CSMD1: variants seen among roughly 807,000 people sequenced by gnomAD.
CSMD1 encodes the protein CUB and Sushi multiple domains 1, also known as CUB and sushi domain-containing protein 1.
A neutral mutation model predicts 417.5 loss-of-function variants in CSMD1; 213 were observed. The observed-to-expected ratio is 0.51, with a 90% CI of 0.46 to 0.57. The LOEUF is 0.57. CSMD1 is among the 20% of genes least tolerant of loss of function. The pLI is 0.00. For synonymous variants in CSMD1, 2,862 were observed against 1,736.8 expected (o/e 1.65, Z -16.11); for missense variants, 6,923 against 4,529.7 (o/e 1.53, Z -15.17).
Position 4,306,832 on chromosome 8 carries a change from A to G in CSMD1, c.415+113121T>C, listed in dbSNP as rs1798274014. On this transcript the variant is annotated intron_variant, in intron 3 of 69. Coordinates refer to ENST00000635120, the MANE Select transcript of CSMD1 (RefSeq NM_033225.6). The stretch of plus-strand genomic sequence containing the variant: ...ACCAATCAATCCCTAACATCTCCAG[A>G]TTTAAAAAAAATCTAATAATTTTTC... Among the ~76,000 whole-genome samples the G allele has an allele frequency of 4.7e-5, 3 of 63,948 alleles. No homozygotes were observed. In the South Asian group the frequency reaches 1.6e-3, roughly 35 times the overall value. The allele number at this position is 63,948 out of a possible 152,430, so 42.0% of individuals were successfully genotyped here.
intron 5 of CSMD1, among the ~76,000 whole-genome samples, chr8:3,791,843 A>T (rs1304731556): frequency 6.6e-6 from 1 of 151,598 alleles, no homozygotes; most frequent in African/African-American, 2.4e-5. Flanking sequence ...AATAATAAAA[A>T]AATAATGTAT....
intron 1 of CSMD1, among the ~76,000 whole-genome samples, chr8:4,709,820 G>A (rs1195082618): frequency 6.6e-6 from 1 of 152,136 alleles, no homozygotes; most frequent in Non-Finnish European, 1.5e-5. Flanking sequence ...AGAGCACAGT[G>A]TCCAGTCGTC....
chr8:3,791,938 C>A (rs936295278), intron 5 of CSMD1, among the ~76,000 whole-genome samples: 1 of 152,032 alleles, frequency 6.6e-6, no homozygotes, highest in Non-Finnish European at 1.5e-5. Flanking sequence ...GCGTTTGCAC[C>A]AACCTAATAG....
intron 49 of CSMD1, among the ~76,000 whole-genome samples, chr8:3,084,644 T>C (rs72621194): frequency 0.25 from 37,361 of 151,828 alleles, 4,941 homozygotes; most frequent in East Asian, 0.35. Flanking sequence ...TTATATTTTA[T>C]ATTTAATATA....
At chr8:4,433,383 C>G (rs1797978054) in intron 2 of CSMD1, among the ~76,000 whole-genome samples, 1 of 152,092 alleles carries the variant, frequency 6.6e-6, no homozygotes, top group South Asian at 2.1e-4. Context: ...GACATGACAT[C>G]ATTACATAAA....
intron 29 of CSMD1, among the ~76,000 whole-genome samples, chr8:3,216,075 C>G (rs986370097): frequency 2.5e-4 from 38 of 149,352 alleles, no homozygotes; most frequent in African/African-American, 8.8e-4. Flanking sequence ...TATAAGTTTT[C>G]TCATTTAAGA....
At chr8:3,371,826 C>T (rs779643585) in intron 18 of CSMD1, among the ~76,000 whole-genome samples, 1 of 152,162 alleles carries the variant, frequency 6.6e-6, no homozygotes, top group Non-Finnish European at 1.5e-5. Context: ...AAGAATTTCT[C>T]ATGGAATTTT....
intron 3 of CSMD1, among the ~76,000 whole-genome samples, chr8:4,341,703 G>T (rs1453830663): frequency 6.6e-6 from 1 of 152,134 alleles, no homozygotes; most frequent in Non-Finnish European, 1.5e-5. Context: ...GGAAACCTAA[G>T]ATTAGTCAAT....
chr8:3,899,925 ATATT>A (rs1198636527), intron 5 of CSMD1, among the ~76,000 whole-genome samples: 15 of 152,244 alleles, frequency 9.9e-5, no homozygotes, highest in African/African-American at 3.6e-4. Context: ...AATGTGTAAA[ATATT>A]TATAACTTAA....
At chr8:3,824,603 G>A (rs570970028) in intron 5 of CSMD1, among the ~76,000 whole-genome samples, 2 of 152,284 alleles carry the variant, frequency 1.3e-5, no homozygotes, top group Admixed American at 6.5e-5. Flanking sequence ...AAAACATACG[G>A]TAAGATATTT....
intron 5 of CSMD1, among the ~76,000 whole-genome samples, chr8:3,780,902 C>G (rs1338323517): frequency 6.6e-6 from 1 of 152,164 alleles, no homozygotes; most frequent in African/African-American, 2.4e-5. Flanking sequence ...TTAGGTAACA[C>G]TGGAGAATTT....
At chr8:4,799,388 A>C (rs1387429024) in intron 1 of CSMD1, among the ~76,000 whole-genome samples, 1 of 151,850 alleles carries the variant, frequency 6.6e-6, no homozygotes, top group Non-Finnish European at 1.5e-5. Context: ...AGTGTTTTAA[A>C]ATAGTCATCC....
intron 3 of CSMD1, among the ~76,000 whole-genome samples, chr8:4,088,916 A>T (rs1800571147): frequency 6.6e-6 from 1 of 152,144 alleles, no homozygotes; most frequent in Non-Finnish European, 1.5e-5. Flanking sequence ...ATATTCAGCG[A>T]AAAAGCACTC....
chr8:3,723,868 A>G (rs1034426115), intron 6 of CSMD1, among the ~76,000 whole-genome samples: 3 of 152,220 alleles, frequency 2.0e-5, no homozygotes, highest in African/African-American at 7.2e-5. Context: ...AAATAGACCA[A>G]CACGTTTTAC....
chr8:3,761,770 T>C lies in CSMD1; in HGVS notation c.819-7728A>G, dbSNP rs142623539. 1.3e-4 allele frequency among the ~76,000 whole-genome samples: 20 copies of C among 152,262 alleles called. No individual in the cohort carries two copies. The East Asian group carries it at 3.7e-3, about 28-fold the overall frequency. ...ATCCATCTGCTTAGGCCTCCTAAAGTGCTAGGATTACAGGCTTGAGCAACA... is the reference window on the plus strand; with the variant it reads ...ATCCATCTGCTTAGGCCTCCTAAAGCGCTAGGATTACAGGCTTGAGCAACA... On this transcript the variant is annotated intron_variant, in intron 5 of 69. Coordinates refer to ENST00000635120, the MANE Select transcript of CSMD1 (RefSeq NM_033225.6).
Position 3,935,289 on chromosome 8 carries a change from G to C in CSMD1, c.818+62614C>G, listed in dbSNP as rs781023016. On this transcript the variant is annotated intron_variant, in intron 5 of 69. Coordinates refer to ENST00000635120, the MANE Select transcript of CSMD1 (RefSeq NM_033225.6). ...AAGAATTTTCATAGATACTGTATTT[G>C]ATACACTCCATATCAGCATGAAACA... Among the ~76,000 whole-genome samples, 6 of 152,262 alleles carry C rather than the reference G, an allele frequency of 3.9e-5. No homozygotes were observed. In the South Asian group the frequency reaches 6.2e-4, roughly 16 times the overall value.
chr8:4,086,061 C>A (rs998535109), intron 3 of CSMD1, among the ~76,000 whole-genome samples: 3 of 152,162 alleles, frequency 2.0e-5, no homozygotes, highest in Admixed American at 1.3e-4. Context: ...AATCAAGTAT[C>A]AACAAACGTA....
At chr8:4,276,308 G>C (rs1210670803) in intron 3 of CSMD1, among the ~76,000 whole-genome samples, 3 of 152,220 alleles carry the variant, frequency 2.0e-5, no homozygotes, top group Non-Finnish European at 2.9e-5. Flanking sequence ...AAAAGGATCA[G>C]TTAATGTCCT....
chr8:4,649,914 T>C (rs1306627330), intron 1 of CSMD1, among the ~76,000 whole-genome samples: 1 of 152,220 alleles, frequency 6.6e-6, no homozygotes, highest in Non-Finnish European at 1.5e-5. Flanking sequence ...GCACCATGTG[T>C]TGATGCACAG....
Sources: gnomAD v4.1 joint callset for allele counts (sites outside exome capture counted in the v4.1 genomes callset) on GRCh38, gnomAD v4.1.1 for gene constraint, MANE v1.5 for transcripts, NCBI Gene and HGNC (gene_info 2026-07-23, HGNC 2026-07-21) for gene names.